The following NETO2 variants were observed in gnomAD, a reference collection of about 807,000 sequenced individuals.
NETO2 encodes the protein neuropilin and tolloid-like protein 2.
Under a neutral mutation model 62.5 loss-of-function variants are expected in NETO2, and 28 were observed. The observed-to-expected ratio is 0.45, with a 90% confidence interval of 0.33 to 0.61. The LOEUF is 0.61. NETO2 is among the 20% of genes least tolerant of loss of function. NETO2 has a pLI of 0.02. For synonymous variants in NETO2, 214 were observed against 219.1 expected (o/e 0.98, Z 0.21); for missense variants, 548 against 643.2 (o/e 0.85, Z 1.60).
chr16:47,083,180 A>G lies in NETO2; in HGVS notation c.*41T>C. ...CAGTATGGTGCCCTGGAGGCTGCGTACGTACACACCCTAAGAATTCACATC... is the reference window on the plus strand; with the variant it reads ...CAGTATGGTGCCCTGGAGGCTGCGTGCGTACACACCCTAAGAATTCACATC... On this transcript the variant is annotated 3_prime_UTR_variant, in exon 9 of 9. Transcript: ENST00000562435. 4 of 1,544,098 alleles carry G rather than the reference A, an allele frequency of 2.6e-6. No homozygotes were observed. In the South Asian group the frequency reaches 3.7e-5, roughly 14 times the overall value.
chr16:47,104,587 A>G (rs907154230), intron 7 of NETO2, among the ~76,000 whole-genome samples: 2 of 152,260 alleles, frequency 1.3e-5, no homozygotes, highest in Non-Finnish European at 2.9e-5. Flanking sequence ...TTGAAAAACA[A>G]GAAAAAAGTT....
chr16:47,097,848 T>C (rs1357198865), intron 7 of NETO2, among the ~76,000 whole-genome samples: 2 of 152,206 alleles, frequency 1.3e-5, no homozygotes, highest in Non-Finnish European at 2.9e-5. Context: ...ATCTTTGCTA[T>C]TCTGTAGCCT....
intron 8 of NETO2, among the ~76,000 whole-genome samples, chr16:47,085,105 A>T (rs1177628046): frequency 6.6e-6 from 1 of 152,218 alleles, no homozygotes; most frequent in East Asian, 1.9e-4. Context: ...GCTTGCAGAC[A>T]TTCAACCATT....
chr16:47,110,876 G>A (rs1035020645), intron 6 of NETO2, among the ~76,000 whole-genome samples: 2 of 151,590 alleles, frequency 1.3e-5, no homozygotes, highest in Non-Finnish European at 1.5e-5. Context: ...ATAGCTTAAA[G>A]AATTACATTT....
intron 2 of NETO2, among the ~76,000 whole-genome samples, chr16:47,129,774 G>C (rs1425618463): frequency 6.6e-6 from 1 of 152,192 alleles, no homozygotes; most frequent in Non-Finnish European, 1.5e-5. Context: ...AGGGATTTTA[G>C]TTGAAGACTG....
At position 47,121,303 on chromosome 16, in the gene NETO2, G is replaced by A. The variant is rs112651738; in HGVS notation, c.654+1354C>T. Among the ~76,000 whole-genome samples the A allele has an allele frequency of 2.0e-3, 309 of 152,182 alleles. 4 individuals are homozygous for A. The highest frequency in any genetic ancestry group is 7.1e-3 in the African/African-American group (294 of 41,538). ...GAGCATAGGGGTTTTAGAATCTGCG[G>A]GCTGTGAGCTGACCTGCAGCAGTGT... On this transcript the variant is annotated intron_variant, in intron 6 of 8. Coordinates refer to ENST00000562435, the MANE Select transcript of NETO2 (RefSeq NM_018092.5).
Position 47,077,856 on chromosome 16 carries a change from A to G in NETO2, c.*5365T>C, listed in dbSNP as rs1963007080. 1 of 152,186 alleles carries G rather than the reference A, an allele frequency of 6.6e-6. No individual in the cohort carries two copies. Among genetic ancestry groups the G allele is most frequent in the Admixed American group, 6.5e-5 (1 of 15,278 alleles). The allele number at this position is 152,186 out of a possible 1,614,324, so 9.4% of individuals were successfully genotyped here. A position where few individuals can be genotyped will look rare whatever the true frequency, so the allele number is the denominator to read the frequency against. On this transcript the variant is annotated 3_prime_UTR_variant, in exon 9 of 9. Transcript: ENST00000562435. ...TCCTCTGTGCCCTGATCTGTGCCTG[A>G]TGCTTGTGAAACTCAGAGGAGTTTC...
rs1229879955 is a variant in NETO2 at position 47,083,658 on chromosome 16, T to G, written c.1141A>C (p.Lys381Gln). Residue 381 changes from lysine to glutamine, a missense_variant, in exon 9 of 9, where the codon AAA (lysine) becomes CAA (glutamine). Physicochemically the swap from Lys to Gln is moderately conservative, Grantham distance 53. Transcript: ENST00000562435. ...KQPRKKVMAC[K>Q]TAFNKTGFQE... ...AACCCGGTTTTATTAAAAGCGGTTT[T>G]GCAAGCCATGACCTTTTTTCGAGGC... is the stretch of plus-strand genomic sequence containing the variant. The G allele has an allele frequency of 8.1e-6, 13 of 1,614,240 alleles. No individual in the cohort carries two copies. Among genetic ancestry groups the G allele is most frequent in the Non-Finnish European group, 1.1e-5 (13 of 1,180,044 alleles).
Position 47,143,604 on chromosome 16 carries a change from C to T in NETO2, c.9G>A (p.Leu3=). Residue 3 remains leucine (L), a synonymous_variant, in exon 1 of 9, where the codon CTG becomes CTA. Coordinates refer to ENST00000562435, the MANE Select transcript of NETO2 (RefSeq NM_018092.5). ...CTTTGAGGACCGAGCAGAGCCGCTCCAGGGCCATGTTCCCGAGCTGCCCGG... is the reference window on the plus strand; with the variant it reads ...CTTTGAGGACCGAGCAGAGCCGCTCTAGGGCCATGTTCCCGAGCTGCCCGG... The part of the protein sequence containing the change: MA[L]ERLCSVLKVL... 8.2e-7 allele frequency: 1 copy of T among 1,222,916 alleles called. No individual in the cohort carries two copies. The highest frequency in any genetic ancestry group is 1.0e-6 in the Non-Finnish European group (1 of 978,070). The allele number at this position is 1,222,916 out of a possible 1,614,324, so 75.8% of individuals were successfully genotyped here.
At chr16:47,098,697 G>C (rs1344028142) in intron 7 of NETO2, among the ~76,000 whole-genome samples, 1 of 151,814 alleles carries the variant, frequency 6.6e-6, no homozygotes, top group Non-Finnish European at 1.5e-5. Flanking sequence ...GATACTCCTT[G>C]AGAAGAGCAA....
In NETO2 at chr16:47,132,017, T is replaced by A; in HGVS notation, c.43A>T (p.Ile15Leu). 6.2e-7 allele frequency: 1 copy of A among 1,611,614 alleles called. No individual in the cohort carries two copies. The highest frequency in any genetic ancestry group is 8.5e-7 in the Non-Finnish European group (1 of 1,178,116). Residue 15 changes from isoleucine (I) to leucine (L), a missense_variant, in exon 2 of 9, where the codon ATA becomes TTA. Ile to Leu is a conservative substitution (Grantham distance 5). Coordinates refer to ENST00000562435, the MANE Select transcript of NETO2 (RefSeq NM_018092.5). ...RLCSVLKVLL[I>L]TVLVVEGIAV... is the part of the protein sequence containing the mutation. ...ATCCCTTCCACTACCAGTACTGTTA[T>A]TAACAACACTAGAGAAATAACAGAG...
At chr16:47,092,179 C>A (rs1459109336) in intron 7 of NETO2, among the ~76,000 whole-genome samples, 1 of 152,092 alleles carries the variant, frequency 6.6e-6, no homozygotes, top group African/African-American at 2.4e-5. Flanking sequence ...GAGAAACAGG[C>A]ATACTCAGAA....
intron 4 of NETO2, among the ~76,000 whole-genome samples, chr16:47,127,251 G>GTT (rs527358981): frequency 7.9e-4 from 121 of 152,284 alleles, no homozygotes; most frequent in Non-Finnish European, 1.5e-3. Flanking sequence ...TTGCACATCT[G>GTT]TTTCTGCATT....
At chr16:47,084,460 C>G (rs370015647) in intron 8 of NETO2, among the ~76,000 whole-genome samples, 8 of 152,260 alleles carry the variant, frequency 5.3e-5, no homozygotes, top group Non-Finnish European at 1.0e-4. Flanking sequence ...GCTGCTGCTC[C>G]CCATCACTCG....
rs1963051773 is a variant in NETO2, at chr16:47,081,005, T to C, written c.*2216A>G. ...ACTCGTATAAAACTGTGTACTTCTA[T>C]TTTACTGTTATGTCTTCTTTAAAGG... On this transcript the variant is annotated 3_prime_UTR_variant, in exon 9 of 9. Coordinates refer to ENST00000562435, the MANE Select transcript of NETO2 (RefSeq NM_018092.5). 1 of 152,172 alleles carries C rather than the reference T, an allele frequency of 6.6e-6. No homozygotes were observed. 9.4% of individuals were successfully genotyped at this position (152,172 alleles called of 1,614,324 possible).
intron 7 of NETO2, among the ~76,000 whole-genome samples, chr16:47,095,988 TATC>T (rs753569348): frequency 6.6e-6 from 1 of 152,104 alleles, no homozygotes; most frequent in African/African-American, 2.4e-5. Flanking sequence ...TGAAACTAGA[TATC>T]AACAACTGAA....
Position 47,143,718 on chromosome 16 carries a change from C to T in NETO2, c.-106G>A. The T allele has an allele frequency of 8.4e-7, 1 of 1,192,708 alleles. No individual in the cohort carries two copies. The highest frequency in any genetic ancestry group is 4.2e-5 in the South Asian group (1 of 23,630). 73.9% of individuals were successfully genotyped at this position (1,192,708 alleles called of 1,614,324 possible). A position where few individuals can be genotyped will look rare whatever the true frequency, so the allele number is the denominator to read the frequency against. On this transcript the variant is annotated 5_prime_UTR_variant, in exon 1 of 9. Transcript: ENST00000562435. ...GACGGCCCCACTCCGTCCCCATCGC[C>T]GGCCAGCAGCTGCCTCCCCGCTCCC... is the stretch of plus-strand genomic sequence containing the variant.
intron 7 of NETO2, among the ~76,000 whole-genome samples, chr16:47,090,385 T>A (rs192529309): frequency 2.0e-5 from 3 of 152,330 alleles, no homozygotes; most frequent in Admixed American, 2.0e-4. Flanking sequence ...GAAATGACAA[T>A]CAAGCATCAG....
At chr16:47,125,184 G>A (rs1964130410) in intron 4 of NETO2, among the ~76,000 whole-genome samples, 1 of 152,148 alleles carries the variant, frequency 6.6e-6, no homozygotes, top group African/African-American at 2.4e-5. Context: ...ACTTCAGTTA[G>A]TTGATTTAGT....
Sources: gnomAD v4.1 joint callset for allele counts (sites outside exome capture counted in the v4.1 genomes callset) on GRCh38, gnomAD v4.1.1 for gene constraint, MANE v1.5 for transcripts, NCBI Gene and HGNC (gene_info 2026-07-23, HGNC 2026-07-21) for gene names.